The following CNBD1 variants were observed in gnomAD, a reference collection of about 807,000 sequenced individuals.
CNBD1 encodes cyclic nucleotide binding domain containing 1.
Under a neutral mutation model 54.4 loss-of-function variants are expected in CNBD1, and 71 were observed. The observed-to-expected ratio is 1.30, with a 90% CI of 1.08 to 1.59. The LOEUF (loss-of-function observed/expected upper bound fraction) is 1.59, where lower values mean the gene tolerates loss of function less well. CNBD1 is among the 40% of genes most tolerant of loss of function. CNBD1 has a pLI of 0.00. For missense variants in CNBD1, 659 were observed against 518.0 expected, an observed-to-expected ratio of 1.27 and a Z score of -2.64; for synonymous variants, 182 against 170.7, an observed-to-expected ratio of 1.07 and a Z score of -0.51.
intron 4 of CNBD1, among the ~76,000 whole-genome samples, chr8:87,122,105 A>C (rs190814783): frequency 2.0e-5 from 3 of 151,840 alleles, no homozygotes; most frequent in Admixed American, 2.0e-4. Context: ...ACTGGGTCAT[A>C]TGGTAGTTCT....
intron 4 of CNBD1, among the ~76,000 whole-genome samples, chr8:87,150,059 C>T (rs1249563466): frequency 1.3e-5 from 2 of 152,050 alleles, no homozygotes; most frequent in African/African-American, 2.4e-5. Context: ...CACCTGTAGT[C>T]CCAGCTACTG....
At chr8:87,167,307 A>AT (rs924528245) in intron 4 of CNBD1, among the ~76,000 whole-genome samples, 1 of 151,908 alleles carries the variant, frequency 6.6e-6, no homozygotes, top group African/African-American at 2.4e-5. Context: ...AACATTGATC[A>AT]TTTTTTTGTG....
At chr8:87,044,785 G>C (rs147411936) in intron 4 of CNBD1, 4 of 152,302 alleles carry the variant, frequency 2.6e-5, no homozygotes, top group Non-Finnish European at 5.9e-5. Context: ...AAAAAGGGAG[G>C]AACATTTTGC....
At chr8:87,381,561 G>A (rs1811075266) in intron 10 of CNBD1, among the ~76,000 whole-genome samples, 1 of 152,000 alleles carries the variant, frequency 6.6e-6, no homozygotes, top group African/African-American at 2.4e-5. Context: ...ATCTCAAAGA[G>A]ATATTAGCAG....
intron 4 of CNBD1, among the ~76,000 whole-genome samples, chr8:87,156,914 A>G (rs1381724616): frequency 6.6e-6 from 1 of 152,184 alleles, no homozygotes; most frequent in Non-Finnish European, 1.5e-5. Context: ...GACATGGTCG[A>G]TGACCTAGAA....
intron 8 of CNBD1, among the ~76,000 whole-genome samples, chr8:87,292,608 T>C (rs1808808417): frequency 6.6e-6 from 1 of 152,192 alleles, no homozygotes; most frequent in Non-Finnish European, 1.5e-5. Flanking sequence ...GAATGATGAA[T>C]ACTGTAGATT....
At chr8:87,202,305 T>C (rs772662405) in intron 4 of CNBD1, among the ~76,000 whole-genome samples, 2 of 152,104 alleles carry the variant, frequency 1.3e-5, no homozygotes, top group South Asian at 2.1e-4. Context: ...ACCAAATTGA[T>C]AGAAAACATA....
At chr8:87,395,012 C>T (rs759857832) in intron 2 of CNBD1, among the ~76,000 whole-genome samples, 1 of 151,830 alleles carries the variant, frequency 6.6e-6, no homozygotes, top group Non-Finnish European at 1.5e-5. Flanking sequence ...CCCCACTTTG[C>T]CTGCTAAGCA....
chr8:87,275,839 A>C (rs1432624539), intron 6 of CNBD1, among the ~76,000 whole-genome samples: 3 of 151,778 alleles, frequency 2.0e-5, no homozygotes, highest in Non-Finnish European at 4.4e-5. Context: ...GTCTCAGCCC[A>C]AAATCTCCTT....
At chr8:87,380,621 T>A (rs1422822061) in intron 10 of CNBD1, among the ~76,000 whole-genome samples, 2 of 152,052 alleles carry the variant, frequency 1.3e-5, no homozygotes, top group Non-Finnish European at 2.9e-5. Flanking sequence ...TAGGGACATT[T>A]TAACAATATT....
chr8:87,071,162 A>G (rs1586235901), intron 4 of CNBD1, among the ~76,000 whole-genome samples: 1 of 152,028 alleles, frequency 6.6e-6, no homozygotes, highest in East Asian at 1.9e-4. Context: ...TGTTTAATCT[A>G]TTTTATGTAT....
intron 4 of CNBD1, among the ~76,000 whole-genome samples, chr8:87,103,034 T>G (rs956051779): frequency 4.6e-5 from 7 of 152,138 alleles, no homozygotes; most frequent in African/African-American, 1.7e-4. Context: ...TTTACTAAGA[T>G]AGAATGCTTA....
At chr8:86,906,493 C>T (rs62528026) in intron 3 of CNBD1, among the ~76,000 whole-genome samples, 1 of 151,832 alleles carries the variant, frequency 6.6e-6, no homozygotes, top group Non-Finnish European at 1.5e-5. Context: ...GATGTACATA[C>T]ATCTGGAATG....
At chr8:87,387,151 A>G (rs183838097), downstream of CNBD1, among the ~76,000 whole-genome samples, 7 of 152,358 alleles carry the variant, frequency 4.6e-5, no homozygotes, top group South Asian at 4.1e-4. Context: ...CTGCGAAAAC[A>G]TGCCAAATTG....
At chr8:87,177,294 T>C (rs1258004907) in intron 4 of CNBD1, among the ~76,000 whole-genome samples, 1 of 152,168 alleles carries the variant, frequency 6.6e-6, no homozygotes, top group African/African-American at 2.4e-5. Context: ...ATAGATAGTT[T>C]TGCCACTTAC....
intron 4 of CNBD1, among the ~76,000 whole-genome samples, chr8:86,950,794 TTTA>T (rs1240485038): frequency 1.3e-5 from 2 of 152,198 alleles, no homozygotes; most frequent in African/African-American, 4.8e-5. Context: ...TGGGAGACTT[TTTA>T]TTACAGATTT....
At chr8:86,870,252 G>A (rs1478534606) in intron 1 of CNBD1, among the ~76,000 whole-genome samples, 1 of 143,872 alleles carries the variant, frequency 7.0e-6, no homozygotes, top group Non-Finnish European at 1.5e-5. Flanking sequence ...GCAGTGGCGT[G>A]ATTTCATTTC....
intron 10 of CNBD1, among the ~76,000 whole-genome samples, chr8:87,359,641 T>C (rs150928458): frequency 6.6e-5 from 10 of 152,218 alleles, no homozygotes; most frequent in Middle Eastern, 3.4e-3. Flanking sequence ...CTCCATCTAC[T>C]TCATTTATTA....
At chr8:87,192,596 G>A (rs932820930) in intron 4 of CNBD1, among the ~76,000 whole-genome samples, 12 of 152,298 alleles carry the variant, frequency 7.9e-5, no homozygotes, top group Admixed American at 5.9e-4. Flanking sequence ...ATTAGAAAGC[G>A]TAATTCCTTG....
Sources: gnomAD v4.1 joint callset for allele counts (sites outside exome capture counted in the v4.1 genomes callset) on GRCh38, gnomAD v4.1.1 for gene constraint, MANE v1.5 for transcripts, NCBI Gene and HGNC (gene_info 2026-07-23, HGNC 2026-07-21) for gene names.